ITGAL: variants seen among roughly 807,000 people sequenced by gnomAD.
ITGAL encodes integrin alpha-L.
In ITGAL, 68 loss-of-function variants were observed where a neutral mutation model predicts 138.4. That is an observed-to-expected ratio of 0.49 (90% CI 0.40 to 0.60). The LOEUF is 0.60. Among genes scored for constraint, ITGAL ranks in the 20% least tolerant of loss-of-function variants. ITGAL has a pLI of 0.00. For missense variants in ITGAL, 1,256 were observed against 1,478.6 expected (o/e 0.85, Z 2.47); for synonymous variants, 561 against 584.3 (o/e 0.96, Z 0.57).
intron 1 of ITGAL, among the ~76,000 whole-genome samples, chr16:30,473,208 G>A (rs1194232319): frequency 6.6e-6 from 1 of 152,168 alleles, no homozygotes; most frequent in Non-Finnish European, 1.5e-5. Context: ...AAAGTGGGCA[G>A]ATTACTTGAG....
At chr16:30,497,110 C>G (rs542198194) in intron 15 of ITGAL, among the ~76,000 whole-genome samples, 4 of 152,114 alleles carry the variant, frequency 2.6e-5, no homozygotes, top group African/African-American at 4.8e-5. Context: ...TTCGGAAGTC[C>G]GAGGCGGGCG....
intron 25 of ITGAL, among the ~76,000 whole-genome samples, chr16:30,516,269 G>A (rs60393747): frequency 0.038 from 5,650 of 150,248 alleles, 357 homozygotes; most frequent in African/African-American, 0.13. Context: ...TCACTCTGTC[G>A]CCCAGGTTGG....
At chr16:30,518,373 C>T (rs747999905) in intron 28 of ITGAL, among the ~76,000 whole-genome samples, 2 of 150,904 alleles carry the variant, frequency 1.3e-5, no homozygotes, top group East Asian at 3.9e-4. Flanking sequence ...CCCTTAAACC[C>T]GGGAGGCAGA....
chr16:30,521,003 G>A (rs1431384667), intron 30 of ITGAL, among the ~76,000 whole-genome samples: 2 of 151,798 alleles, frequency 1.3e-5, no homozygotes, highest in African/African-American at 4.8e-5. Context: ...AGAATTTCTT[G>A]AACCTGGGAG....
At chr16:30,503,441 CT>C (rs3075685) in intron 17 of ITGAL, among the ~76,000 whole-genome samples, 42,918 of 133,028 alleles carry the variant, frequency 0.32, 7,644 homozygotes, top group East Asian at 0.55. Context: ...TTTTCATTTT[CT>C]TTTTTTTTTT....
At chr16:30,520,104 ACTCC>A in intron 30 of ITGAL, 137 bp downstream of exon 30, 1 of 641,538 alleles carries the variant, frequency 1.6e-6, no homozygotes, top group Non-Finnish European at 2.8e-6. Context: ...GCCTCAGCCT[ACTCC>A]CTCCTTCAAC....
intron 17 of ITGAL, 181 bp downstream of exon 17, chr16:30,499,670 T>TAC: frequency 4.7e-6 from 1 of 210,764 alleles, no homozygotes; most frequent in South Asian, 8.1e-5. Flanking sequence ...AAATTATATA[T>TAC]ATATGTGTAT....
In ITGAL at chr16:30,494,362, A is replaced by G; in HGVS notation, c.1364A>G (p.Gln455Arg). 6.2e-7 allele frequency: 1 copy of G among 1,601,822 alleles called. No homozygotes were observed. Among genetic ancestry groups the G allele is most frequent in the Non-Finnish European group, 8.5e-7 (1 of 1,171,362 alleles). Residue 455 changes from glutamine (Q) to arginine (R), a missense_variant and splice_region_variant, in exon 12 of 31, where the codon CAG becomes CGG. Around this residue, in one of 3 missense-constraint regions of ITGAL, gnomAD observed 867 missense variants for 972.5 expected, o/e 0.89. Transcript: ENST00000356798. This position sits in a 1 kb window ranked among gnomAD's most constrained non-coding sequence, Gnocchi z 4.2. ...WSQVQTIHGTQIGSYFGGELC... is the reference protein window; with the variant it reads ...WSQVQTIHGTRIGSYFGGELC... ...CAGGTCCAGACAATCCATGGGACCC[A>G]GGTGCGCCCAGTCCGAGGGCATCTG...
At chr16:30,515,918 G>A (rs1200591612) in intron 25 of ITGAL, among the ~76,000 whole-genome samples, 1 of 151,682 alleles carries the variant, frequency 6.6e-6, no homozygotes, top group Non-Finnish European at 1.5e-5. Flanking sequence ...GTTGCAGCGA[G>A]CTGTGATCGT....
intron 4 of ITGAL, among the ~76,000 whole-genome samples, chr16:30,478,642 G>A (rs2151143333): frequency 6.8e-6 from 1 of 146,320 alleles, no homozygotes; most frequent in East Asian, 2.0e-4. Context: ...AGCTTGCAGT[G>A]AGCCGAGATC....
intron 21 of ITGAL, 144 bp downstream of exon 21, chr16:30,507,000 C>A (rs1567484676): frequency 2.1e-5 from 18 of 865,936 alleles, no homozygotes; most frequent in Non-Finnish European, 3.2e-5. Context: ...GGGTTCCCAG[C>A]CTCGAGCTGT....
chr16:30,475,501 T>G lies in ITGAL; in HGVS notation c.260-12T>G, dbSNP rs778917161. The G allele has an allele frequency of 6.2e-7, 1 of 1,613,248 alleles. No individual in the cohort carries two copies. Among genetic ancestry groups the G allele is most frequent in the Non-Finnish European group, 8.5e-7 (1 of 1,179,314 alleles). On this transcript the variant is annotated splice_polypyrimidine_tract_variant and intron_variant, in intron 3 of 30. Transcript: ENST00000356798. Reference sequence around the variant, plus strand: ...CCTGAGCTCCTCCAGACCAACCTTCTGGTGCCTACAGGTTCCAACTATACC... The same window carrying G: ...CCTGAGCTCCTCCAGACCAACCTTCGGGTGCCTACAGGTTCCAACTATACC...
At chr16:30,476,636 T>C (rs1400559965) in intron 4 of ITGAL, among the ~76,000 whole-genome samples, 2 of 150,588 alleles carry the variant, frequency 1.3e-5, no homozygotes, top group Non-Finnish European at 3.0e-5. Flanking sequence ...AACACTGCTT[T>C]TTTTTTTTTT....
intron 8 of ITGAL, 36 bp downstream of exon 8, chr16:30,483,995 C>T (rs1469913512): frequency 3.7e-6 from 6 of 1,601,086 alleles, no homozygotes; most frequent in Non-Finnish European, 5.1e-6. Flanking sequence ...CATATCTTCC[C>T]TCTCCTCTTT....
intron 20 of ITGAL, among the ~76,000 whole-genome samples, chr16:30,506,454 GAGGTTGAGGC>G (rs2050998153): frequency 6.7e-6 from 1 of 149,268 alleles, no homozygotes; most frequent in African/African-American, 2.5e-5. Flanking sequence ...AGCTACTCGG[GAGGTTGAGGC>G]AGGAGAATGG....
At chr16:30,507,928 A>C (rs1444136018) in intron 21 of ITGAL, among the ~76,000 whole-genome samples, 1 of 151,576 alleles carries the variant, frequency 6.6e-6, no homozygotes, top group Non-Finnish European at 1.5e-5. Flanking sequence ...TTATTTTCTG[A>C]GACGGGGTCT....
intron 4 of ITGAL, among the ~76,000 whole-genome samples, chr16:30,476,449 T>C (rs781397617): frequency 1.8e-4 from 28 of 152,172 alleles, no homozygotes; most frequent in Non-Finnish European, 4.0e-4. Flanking sequence ...GTTATAAATT[T>C]AATGGCTTAT....
At chr16:30,515,872 TG>T (rs1459995232) in intron 25 of ITGAL, among the ~76,000 whole-genome samples, 1 of 151,872 alleles carries the variant, frequency 6.6e-6, no homozygotes, top group Non-Finnish European at 1.5e-5. Context: ...CTGGGGAGGC[TG>T]AGGCAGGAGA....
At chr16:30,520,646 A>G (rs1450076886) in intron 30 of ITGAL, among the ~76,000 whole-genome samples, 1 of 152,230 alleles carries the variant, frequency 6.6e-6, no homozygotes, top group Non-Finnish European at 1.5e-5. Flanking sequence ...AAGAGAGGAC[A>G]CAGGCAGAAG....
Sources: gnomAD v4.1 joint callset for allele counts (sites outside exome capture counted in the v4.1 genomes callset) on GRCh38, gnomAD v4.1.1 for gene constraint, gnomAD v4.1.1 regional missense constraint, Gnocchi (gnomAD v3.1) non-coding constraint, MANE v1.5 for transcripts, NCBI Gene and HGNC (gene_info 2026-07-23, HGNC 2026-07-21) for gene names.